Variants in CABLES1 observed in about 807,000 individuals in gnomAD.
CABLES1 encodes the protein Cdk5 and Abl enzyme substrate 1.
A neutral mutation model predicts 57.8 loss-of-function variants in CABLES1; 36 were observed. That is an observed-to-expected ratio of 0.62 (90% CI 0.48 to 0.82). The LOEUF (loss-of-function observed/expected upper bound fraction) is 0.82, where lower values mean the gene tolerates loss of function less well. Among genes scored for constraint, CABLES1 ranks in the 40% least tolerant of loss-of-function variants. CABLES1 has a pLI of 0.00. For synonymous variants in CABLES1, 374 were observed against 363.0 expected, an observed-to-expected ratio of 1.03 and a Z score of -0.35; for missense variants, 767 against 836.6, an observed-to-expected ratio of 0.92 and a Z score of 1.03.
chr18:23,259,456 TAGCATTTATG>T lies in CABLES1; in HGVS notation c.*2092_*2101del, dbSNP rs2048242165. 1 of 152,262 alleles carries T rather than the reference TAGCATTTATG, an allele frequency of 6.6e-6. No homozygotes were observed. The highest frequency in any genetic ancestry group is 2.4e-5 in the African/African-American group (1 of 41,460). 9.4% of individuals were successfully genotyped at this position (152,262 alleles called of 1,614,324 possible). On this transcript the variant is annotated 3_prime_UTR_variant, in exon 10 of 10. Coordinates refer to ENST00000256925, the MANE Select transcript of CABLES1 (RefSeq NM_001100619.3). ...GATTTGGGGTGATTTGTTTGGTTTTTAGCATTTATGAGGTGAGCCCATGAAGTTAGTGGTC... is the reference window on the plus strand; with the variant it reads ...GATTTGGGGTGATTTGTTTGGTTTTTAGGTGAGCCCATGAAGTTAGTGGTC...
chr18:23,136,115 G>T lies in CABLES1; in HGVS notation c.353G>T (p.Gly118Val). The change falls in exon 1 of 10, where the codon GGC becomes GTC. Residue 118 changes from glycine to valine, a missense_variant. Around this residue, in one of 4 missense-constraint regions of CABLES1, gnomAD observed 198 missense variants for 149.7 expected, o/e 1.32. Transcript: ENST00000256925. ...FSLLAAAERGGCIALAAPGTP... is the reference protein window; with the variant it reads ...FSLLAAAERGVCIALAAPGTP... ...TTGCTCGCCGCTGCCGAGCGGGGCG[G>T]CTGCATCGCGCTCGCCGCGCCGGGC... The T allele has an allele frequency of 8.4e-7, 1 of 1,191,434 alleles. No individual in the cohort carries two copies. Among genetic ancestry groups the T allele is most frequent in the African/African-American group, 1.6e-5 (1 of 62,658 alleles). 73.8% of individuals were successfully genotyped at this position (1,191,434 alleles called of 1,614,324 possible).
intron 1 of CABLES1, among the ~76,000 whole-genome samples, chr18:23,178,193 C>T (rs917385571): frequency 6.6e-6 from 1 of 151,972 alleles, no homozygotes; most frequent in Non-Finnish European, 1.5e-5. Flanking sequence ...ATCAGCCACA[C>T]AAAACCTTTT....
At chr18:23,243,475 T>G (rs1247829897) in intron 7 of CABLES1, among the ~76,000 whole-genome samples, 2 of 149,252 alleles carry the variant, frequency 1.3e-5, no homozygotes, top group African/African-American at 5.0e-5. Context: ...GGTGTTTTTT[T>G]TTTTTTTTTT....
chr18:23,226,233 C>G (rs2047526304), intron 4 of CABLES1, among the ~76,000 whole-genome samples: 1 of 152,136 alleles, frequency 6.6e-6, no homozygotes, highest in South Asian at 2.1e-4. Flanking sequence ...GACACCCCAT[C>G]TCTACTAAAA....
At chr18:23,157,230 A>G (rs150381866) in intron 1 of CABLES1, among the ~76,000 whole-genome samples, 9 of 152,278 alleles carry the variant, frequency 5.9e-5, no homozygotes, top group African/African-American at 2.2e-4. Context: ...TCTCTGTTTT[A>G]TTTAGAAATA....
chr18:23,135,841 G>A lies in CABLES1; in HGVS notation c.79G>A (p.Gly27Arg). 1.0e-6 allele frequency: 1 copy of A among 985,586 alleles called. No individual in the cohort carries two copies. The highest frequency in any genetic ancestry group is 1.8e-5 in the African/African-American group (1 of 56,612). 61.1% of individuals were successfully genotyped at this position (985,586 alleles called of 1,614,324 possible). The change falls in exon 1 of 10, where the codon GGA becomes AGA. Residue 27 changes from glycine (G) to arginine (R), a missense_variant. Gly to Arg is a moderately radical substitution (Grantham distance 125). Transcript: ENST00000256925. ...SAGTDAAGAS[G>R]LQQPPPQPQP... The stretch of plus-strand genomic sequence containing the variant: ...CGGCACCGACGCCGCGGGCGCCAGC[G>A]GATTGCAGCAGCCGCCGCCGCAGCC...
At chr18:23,199,101 T>C (rs1366100608) in intron 3 of CABLES1, among the ~76,000 whole-genome samples, 1 of 152,248 alleles carries the variant, frequency 6.6e-6, no homozygotes, top group Non-Finnish European at 1.5e-5. Context: ...TTTTTAAAAA[T>C]CATTAGCTTA....
At chr18:23,139,014 G>T (rs150874184) in intron 1 of CABLES1, among the ~76,000 whole-genome samples, 90 of 152,144 alleles carry the variant, frequency 5.9e-4, no homozygotes, top group African/African-American at 2.1e-3. Context: ...ATTAAATTTC[G>T]ACAAGTGTTG....
At chr18:23,134,835 C>G (rs2046805599), upstream of CABLES1, among the ~76,000 whole-genome samples, 1 of 152,162 alleles carries the variant, frequency 6.6e-6, no homozygotes, top group Admixed American at 6.5e-5. Flanking sequence ...GTTCGTGCTT[C>G]TGGGCTCTTA....
Position 23,258,126 on chromosome 18 carries a change from T to C in CABLES1, c.*759T>C, listed in dbSNP as rs1459321272. The C allele has an allele frequency of 6.6e-6, 1 of 152,306 alleles. No homozygotes were observed. The highest frequency in any genetic ancestry group is 2.4e-5 in the African/African-American group (1 of 41,450). 9.4% of individuals were successfully genotyped at this position (152,306 alleles called of 1,614,324 possible). On this transcript the variant is annotated 3_prime_UTR_variant, in exon 10 of 10. Coordinates refer to ENST00000256925, the MANE Select transcript of CABLES1 (RefSeq NM_001100619.3). ...GGGGATAAAGAAGGCGAGTTCTGAG[T>C]GTTGGATGAGTCAGTCGCGTGGAAG...
At chr18:23,158,873 G>A (rs2046983073) in intron 1 of CABLES1, among the ~76,000 whole-genome samples, 1 of 152,200 alleles carries the variant, frequency 6.6e-6, no homozygotes, top group South Asian at 2.1e-4. Flanking sequence ...AGCCACTAAA[G>A]TGTATTTAAA....
In CABLES1 at chr18:23,165,532, C is replaced by A. The variant is rs192596158; in HGVS notation, c.846-23306C>A. Among the ~76,000 whole-genome samples the A allele has an allele frequency of 5.3e-5, 8 of 151,638 alleles. No homozygotes were observed. The South Asian group carries it at 1.3e-3, about 24-fold the overall frequency. ...TTAAATAGCCCCCTGTTCCTCCTGCCCCCCCAGTCCCTGGCAACCACCATT... is the reference window on the plus strand; with the variant it reads ...TTAAATAGCCCCCTGTTCCTCCTGCACCCCCAGTCCCTGGCAACCACCATT... On this transcript the variant is annotated intron_variant, in intron 1 of 9. Transcript: ENST00000256925.
chr18:23,215,355 C>T (rs1315315762), intron 4 of CABLES1, among the ~76,000 whole-genome samples: 1 of 152,140 alleles, frequency 6.6e-6, no homozygotes, highest in African/African-American at 2.4e-5. Context: ...CATACCAGCT[C>T]ATAGACCTGG....
At chr18:23,153,970 C>T (rs2046949571) in intron 1 of CABLES1, among the ~76,000 whole-genome samples, 1 of 152,052 alleles carries the variant, frequency 6.6e-6, no homozygotes, top group Admixed American at 6.6e-5. Flanking sequence ...GGCAGAGGTT[C>T]CAGTGACCCG....
intron 1 of CABLES1, among the ~76,000 whole-genome samples, chr18:23,168,749 C>A (rs1435848967): frequency 1.3e-5 from 2 of 152,214 alleles, no homozygotes; most frequent in Non-Finnish European, 1.5e-5. Context: ...GCTACTCAGG[C>A]CTGTTAAGCT....
At chr18:23,176,389 G>C (rs2047123281) in intron 1 of CABLES1, among the ~76,000 whole-genome samples, 1 of 152,150 alleles carries the variant, frequency 6.6e-6, no homozygotes, top group East Asian at 1.9e-4. Flanking sequence ...AGTAGGCAGA[G>C]CCCAGGCAGT....
chr18:23,174,760 ACCG>A, intron 1 of CABLES1, among the ~76,000 whole-genome samples: 1 of 145,910 alleles, frequency 6.9e-6, no homozygotes, highest in Admixed American at 7.1e-5. Flanking sequence ...GTGTGAGCCC[ACCG>A]CGCCCGGCCT....
chr18:23,236,032 C>A lies in CABLES1; in HGVS notation c.1323C>A (p.Thr441=), dbSNP rs774135478. The A allele has an allele frequency of 3.1e-6, 5 of 1,614,174 alleles. No homozygotes were observed. The East Asian group carries it at 1.1e-4, about 36-fold the overall frequency. The change falls in exon 6 of 10, where the codon ACC becomes ACA. Residue 441 remains threonine, a synonymous_variant. Coordinates refer to ENST00000256925, the MANE Select transcript of CABLES1 (RefSeq NM_001100619.3). ...RSLSIGRASG[T]QGSLDTGSDL... is the part of the protein sequence containing the mutation. ...TCTCCATAGGCCGGGCAAGCGGCAC[C>A]CAGGGGAGCCTCGACACAGGTAACC...
rs576838184 is a variant in CABLES1, at chr18:23,241,024, TCTC to T, written c.1446+3784_1446+3786del. On this transcript the variant is annotated intron_variant, in intron 7 of 9. Coordinates refer to ENST00000256925, the MANE Select transcript of CABLES1 (RefSeq NM_001100619.3). ...GAGCATTTCTGTCCCTGCAGAAAGT[TCTC>T]CTCCCCATCCCATTCTTCCCATCCC... 1.3e-4 allele frequency among the ~76,000 whole-genome samples: 20 copies of T among 152,326 alleles called. No homozygotes were observed. In the South Asian group the frequency reaches 3.5e-3, roughly 27 times the overall value.
Sources: allele counts gnomAD v4.1 joint callset (sites outside exome capture counted in the v4.1 genomes callset), GRCh38; gene constraint gnomAD v4.1.1; regional missense constraint gnomAD v4.1.1; transcripts MANE v1.5; gene names NCBI Gene and HGNC (gene_info 2026-07-23, HGNC 2026-07-21).